The following PCLO variants were observed in gnomAD, a reference collection of about 807,000 sequenced individuals.
PCLO encodes protein piccolo.
PCLO carries 82 observed loss-of-function variants against 427.5 expected under a neutral mutation model. That is an observed-to-expected ratio of 0.19 (90% CI 0.16 to 0.23). PCLO has a LOEUF of 0.23. Ranked by LOEUF, PCLO falls within the 10% of genes least tolerant of loss-of-function variation. The pLI is 1.00. For synonymous variants in PCLO, 2,357 were observed against 2,155.4 expected (o/e 1.09, Z -2.59); for missense variants, 6,239 against 6,115.9 (o/e 1.02, Z -0.67).
At chr7:82,879,725 C>T in intron 9 of PCLO, 1 of 450,030 alleles carries the variant, frequency 2.2e-6, no homozygotes. Context: ...AGTAATATAC[C>T]CAGGACTTGC....
intron 2 of PCLO, among the ~76,000 whole-genome samples, chr7:83,150,471 C>T (rs1426935245): frequency 1.3e-5 from 2 of 152,168 alleles, no homozygotes; most frequent in African/African-American, 4.8e-5. Context: ...TGATCCTCTT[C>T]ACATAGATGT....
intron 3 of PCLO, among the ~76,000 whole-genome samples, chr7:83,114,076 G>T (rs1584041568): frequency 6.6e-6 from 1 of 152,098 alleles, no homozygotes; most frequent in Non-Finnish European, 1.5e-5. Flanking sequence ...CTCCATGGTA[G>T]TCTTAACTAC....
intron 2 of PCLO, among the ~76,000 whole-genome samples, chr7:83,138,436 A>G (rs1275865888): frequency 1.3e-5 from 2 of 152,128 alleles, no homozygotes; most frequent in South Asian, 2.1e-4. Context: ...CAACATGGGC[A>G]GATCTCCTGA....
At chr7:83,063,763 T>C (rs79527828) in intron 3 of PCLO, among the ~76,000 whole-genome samples, 2,947 of 152,214 alleles carry the variant, frequency 0.019, 104 homozygotes, top group African/African-American at 0.068. Flanking sequence ...GCCACCATTC[T>C]GTATCTATTC....
chr7:82,922,544 A>G (rs1794621625), intron 6 of PCLO, among the ~76,000 whole-genome samples: 1 of 152,064 alleles, frequency 6.6e-6, no homozygotes, highest in South Asian at 2.1e-4. Context: ...CATTGAGTAC[A>G]CATGGATACA....
At chr7:83,117,436 C>G (rs1791162373) in intron 3 of PCLO, among the ~76,000 whole-genome samples, 2 of 152,138 alleles carry the variant, frequency 1.3e-5, no homozygotes, top group Non-Finnish European at 2.9e-5. Context: ...TAATATTCTC[C>G]CACACATCTT....
At position 82,952,501 on chromosome 7, in the gene PCLO, G is replaced by A. The variant is rs1023966604; in HGVS notation, c.8452C>T (p.His2818Tyr). The A allele has an allele frequency of 6.2e-6, 10 of 1,613,806 alleles. No homozygotes were observed. In the African/African-American group the frequency reaches 6.7e-5, roughly 11 times the overall value. ...TGTESLVGAEHAMTTPLQLTT... is the reference protein window; with the variant it reads ...TGTESLVGAEYAMTTPLQLTT... Reference sequence around the variant, plus strand: ...AGTTGGAGTGGTGTTGTCATTGCATGTTCTGCACCCACTAGGCTTTCTGTG... The same window carrying A: ...AGTTGGAGTGGTGTTGTCATTGCATATTCTGCACCCACTAGGCTTTCTGTG... Residue 2818 changes from histidine (H) to tyrosine (Y), a missense_variant, in exon 5 of 25, where the codon CAT (histidine) becomes TAT (tyrosine). His to Tyr is a moderately conservative substitution (Grantham distance 83, BLOSUM62 2). Around this residue, in one of 5 missense-constraint regions of PCLO, gnomAD observed 4,677 missense variants for 4,468.4 expected, o/e 1.05. Transcript: ENST00000333891.
At chr7:83,098,589 C>G (rs529517705) in intron 3 of PCLO, among the ~76,000 whole-genome samples, 1 of 152,148 alleles carries the variant, frequency 6.6e-6, no homozygotes, top group Admixed American at 6.5e-5. Flanking sequence ...AAACATAACA[C>G]CAGTTACATT....
chr7:82,895,260 G>A, intron 9 of PCLO, among the ~76,000 whole-genome samples: 1 of 151,490 alleles, frequency 6.6e-6, no homozygotes, highest in African/African-American at 2.4e-5. Flanking sequence ...AAATTACAAG[G>A]GAATTAAGAA....
At chr7:82,974,090 T>C (rs2115723307) in intron 3 of PCLO, among the ~76,000 whole-genome samples, 1 of 152,252 alleles carries the variant, frequency 6.6e-6, no homozygotes, top group South Asian at 2.1e-4. Flanking sequence ...TAGTTTTCTT[T>C]TACAAGATAT....
chr7:82,879,782 C>A, intron 9 of PCLO: 1 of 445,132 alleles, frequency 2.2e-6, no homozygotes, highest in Non-Finnish European at 4.4e-6. Context: ...GAGGATGTTC[C>A]CAGAGCATAC....
rs537870863 is a variant in PCLO at position 83,162,729 on chromosome 7, G to C, written c.-137C>G. 9 of 1,144,790 alleles carry C rather than the reference G, an allele frequency of 7.9e-6. No individual in the cohort carries two copies. The African/African-American group carries it at 1.1e-4, about 14-fold the overall frequency. The allele number at this position is 1,144,790 out of a possible 1,614,324, so 70.9% of individuals were successfully genotyped here. A position where few individuals can be genotyped will look rare whatever the true frequency, so the allele number is the denominator to read the frequency against. On this transcript the variant is annotated 5_prime_UTR_variant, in exon 1 of 25. Coordinates refer to ENST00000333891, the MANE Select transcript of PCLO (RefSeq NM_033026.6). ...AGCCGAGTCCCTGGACTCTGGACCA[G>C]GCACTGCCGCCCGGAACGCCAGGCA...
chr7:82,841,607 GCA>G (rs1792368106), intron 13 of PCLO, 98 bp from the exon 14 acceptor site: 6 of 737,272 alleles, frequency 8.1e-6, no homozygotes, highest in Non-Finnish European at 1.2e-5. Context: ...TTTGGTCAGA[GCA>G]ACTGCTTGGA....
rs184748520 is a variant in PCLO at position 82,952,884 on chromosome 7, C to T, written c.8069G>A (p.Gly2690Asp). ...SATRSTAPSVGLSSISITIPP... is the reference protein window; with the variant it reads ...SATRSTAPSVDLSSISITIPP... The stretch of plus-strand genomic sequence containing the variant: ...AATTGTTATGGAAATGCTGCTGAGA[C>T]CAACACTAGGAGCTGTACTTCTGGT... The change falls in exon 5 of 25, where the codon GGT (glycine) becomes GAT (aspartate). Residue 2690 changes from glycine to aspartate, a missense_variant. Gly to Asp is a moderately conservative substitution (Grantham distance 94). This residue lies in a region of PCLO where 4,677 missense variants were observed against 4,468.4 expected (regional missense o/e 1.05). Coordinates refer to ENST00000333891, the MANE Select transcript of PCLO (RefSeq NM_033026.6). 2.3e-4 allele frequency: 372 copies of T among 1,613,868 alleles called. No homozygotes were observed. In the African/African-American group the frequency reaches 4.1e-3, roughly 18 times the overall value.
At position 82,826,677 on chromosome 7, in the gene PCLO, G is replaced by T; in HGVS notation, c.14344-17C>A. ...CTTCTTGAGCTATATAGTTCAAATA[G>T]AAATCTAATTAAACCTATCTTTCCA... On this transcript the variant is annotated splice_polypyrimidine_tract_variant and intron_variant, in intron 17 of 24. Transcript: ENST00000333891. The T allele has an allele frequency of 3.4e-6, 5 of 1,490,662 alleles. No homozygotes were observed. The highest frequency in any genetic ancestry group is 1.2e-5 in the South Asian group (1 of 82,442). The allele number at this position is 1,490,662 out of a possible 1,614,324, so 92.3% of individuals were successfully genotyped here.
At chr7:83,075,763 GATT>G (rs1394152978) in intron 3 of PCLO, among the ~76,000 whole-genome samples, 2 of 151,928 alleles carry the variant, frequency 1.3e-5, no homozygotes, top group Non-Finnish European at 2.9e-5. Context: ...GATTTAATAT[GATT>G]ATGACATTTT....
At position 82,953,531 on chromosome 7, in the gene PCLO, A is replaced by G; in HGVS notation, c.7422T>C (p.Pro2474=). Residue 2474 remains proline (P), a synonymous_variant, in exon 5 of 25, where the codon CCT becomes CCC. Transcript: ENST00000333891. ...GTGCAGTAGTACATATTCTTGTAAC[A>G]GGTAATCCATTACTTCTCAGAACAG... ...TTAVLRSNGL[P]VTRICTTAPP... The G allele has an allele frequency of 6.2e-7, 1 of 1,613,308 alleles. No individual in the cohort carries two copies. The highest frequency in any genetic ancestry group is 1.1e-5 in the South Asian group (1 of 91,054).
At chr7:82,868,836 T>C (rs571600780) in intron 10 of PCLO, among the ~76,000 whole-genome samples, 5 of 152,338 alleles carry the variant, frequency 3.3e-5, no homozygotes, top group South Asian at 4.1e-4. Context: ...AAAAATTTTC[T>C]AAATTTATCA....
intron 24 of PCLO, among the ~76,000 whole-genome samples, 175 bp from the exon 25 acceptor site, chr7:82,758,890 A>T (rs1309214823): frequency 6.6e-6 from 1 of 151,876 alleles, no homozygotes; most frequent in African/African-American, 2.4e-5. Context: ...TGTTCTCAAA[A>T]GATTTGCATG....
Sources: gnomAD v4.1 joint callset for allele counts (sites outside exome capture counted in the v4.1 genomes callset) on GRCh38, gnomAD v4.1.1 for gene constraint, gnomAD v4.1.1 regional missense constraint, MANE v1.5 for transcripts, NCBI Gene and HGNC (gene_info 2026-07-23, HGNC 2026-07-21) for gene names.